Variants in APBB2 observed in about 807,000 individuals in gnomAD.
APBB2 encodes amyloid beta precursor protein binding family B member 2, also known as Fe65-like 1.
Under a neutral mutation model 82.5 loss-of-function variants are expected in APBB2, and 38 were observed. The ratio of observed to expected loss-of-function variants is 0.46; its 90% CI spans 0.36 to 0.60. The LOEUF is 0.60. APBB2 is among the 20% of genes least tolerant of loss of function. The pLI is 0.00. For synonymous variants in APBB2, 341 were observed against 368.2 expected, an observed-to-expected ratio of 0.93 and a Z score of 0.85; for missense variants, 772 against 972.3, an observed-to-expected ratio of 0.79 and a Z score of 2.74.
In APBB2 at chr4:41,039,383, T is replaced by G. The variant is rs183238012; in HGVS notation, c.-50-6079A>C. 1.4e-3 allele frequency among the ~76,000 whole-genome samples: 207 copies of G among 152,288 alleles called. 5 individuals carry two copies. In the East Asian group the frequency reaches 0.036, roughly 26 times the overall value. On this transcript the variant is annotated intron_variant, in intron 4 of 17. Transcript: ENST00000508593. ...CCAGAGTTATCTCTTCCTTTTAACT[T>G]ATTTGACACTTAAATCCTGTATGAT...
At chr4:41,147,032 T>C (rs1220756699) in intron 1 of APBB2, among the ~76,000 whole-genome samples, 1 of 152,080 alleles carries the variant, frequency 6.6e-6, no homozygotes, top group Non-Finnish European at 1.5e-5. Flanking sequence ...CCGTGACGGA[T>C]CCTGAAGGCA....
rs968836882 is a variant in APBB2, at chr4:41,102,170, C to G, written c.-260-1420G>C. ...ACGTAATTCTAAGAAGCGTGATACA[C>G]TCATTTACAAGCCACAGGAGACTGC... On this transcript the variant is annotated intron_variant, in intron 2 of 17. Coordinates refer to ENST00000508593, the MANE Select transcript of APBB2 (RefSeq NM_004307.2). Among the ~76,000 whole-genome samples the G allele has an allele frequency of 1.8e-4, 27 of 152,100 alleles. 1 individual carries two copies. Among genetic ancestry groups the G allele is most frequent in the African/African-American group, 6.0e-4 (25 of 41,420 alleles).
intron 1 of APBB2, among the ~76,000 whole-genome samples, chr4:41,191,099 A>C (rs928138036): frequency 3.3e-5 from 5 of 152,196 alleles, no homozygotes; most frequent in Non-Finnish European, 5.9e-5. Flanking sequence ...CATCTCAATG[A>C]CAGCAGCCTT....
Position 40,811,280 on chromosome 4 carries a change from T to C in APBB2, c.*4812A>G, listed in dbSNP as rs1744345606. On this transcript the variant is annotated 3_prime_UTR_variant, in exon 18 of 18. Transcript: ENST00000508593. ...GGAAAAGAATTTTGGATAAAAGCAA[T>C]ATGAGGCCGGACGTGGTGGCTCACA... 1 of 152,174 alleles carries C rather than the reference T, an allele frequency of 6.6e-6. No homozygotes were observed. Among genetic ancestry groups the C allele is most frequent in the South Asian group, 2.1e-4 (1 of 4,830 alleles). The allele number at this position is 152,174 out of a possible 1,614,324, so 9.4% of individuals were successfully genotyped here. A position where few individuals can be genotyped will look rare whatever the true frequency, so the allele number is the denominator to read the frequency against.
In APBB2 at chr4:40,908,061, T is replaced by G. The variant is rs1020972708; in HGVS notation, c.1255-14650A>C. ...GTATGGTGTGGGTGTGTGTGGTGTG[T>G]GTGTGGCATATGTGTGTGTGTATGT... is the stretch of plus-strand genomic sequence containing the variant. On this transcript the variant is annotated intron_variant, in intron 10 of 17. Transcript: ENST00000508593. Among the ~76,000 whole-genome samples the G allele has an allele frequency of 2.0e-5, 3 of 151,572 alleles. No homozygotes were observed. In the East Asian group the frequency reaches 5.8e-4, roughly 29 times the overall value.
At chr4:41,185,864 T>C (rs1772753098) in intron 1 of APBB2, among the ~76,000 whole-genome samples, 1 of 152,168 alleles carries the variant, frequency 6.6e-6, no homozygotes, top group Non-Finnish European at 1.5e-5. Flanking sequence ...TAGAATCACT[T>C]TCATTTCTTT....
chr4:41,206,537 T>G (rs1164468825), intron 1 of APBB2, among the ~76,000 whole-genome samples: 1 of 152,216 alleles, frequency 6.6e-6, no homozygotes, highest in Non-Finnish European at 1.5e-5. Flanking sequence ...TACACAGACC[T>G]TGGTTCTTGG....
chr4:40,978,093 C>T (rs966143370), intron 6 of APBB2, among the ~76,000 whole-genome samples: 1 of 152,184 alleles, frequency 6.6e-6, no homozygotes, highest in Non-Finnish European at 1.5e-5. Flanking sequence ...TAGCCTATGC[C>T]TGGATTGTTT....
At chr4:40,852,504 G>T (rs1759801528) in intron 12 of APBB2, among the ~76,000 whole-genome samples, 1 of 152,086 alleles carries the variant, frequency 6.6e-6, no homozygotes, top group South Asian at 2.1e-4. Context: ...ATGCTCAAAG[G>T]TCTCATAACC....
chr4:41,165,416 G>A (rs1001048861), intron 1 of APBB2, among the ~76,000 whole-genome samples: 31 of 152,144 alleles, frequency 2.0e-4, no homozygotes, highest in Admixed American at 1.5e-3. Flanking sequence ...GGGCCACCAT[G>A]AGTACTACAT....
At position 40,930,893 on chromosome 4, in the gene APBB2, G is replaced by A. The variant is rs546827367; in HGVS notation, c.1254+3563C>T. Among the ~76,000 whole-genome samples, 34 of 152,062 alleles carry A rather than the reference G, an allele frequency of 2.2e-4. No homozygotes were observed. The East Asian group carries it at 6.0e-3, about 27-fold the overall frequency. ...CTCCTGAGTACCTGGGACTACAGGC[G>A]CCCACCACCATGCCCAGCTAATTTT... On this transcript the variant is annotated intron_variant, in intron 10 of 17. Coordinates refer to ENST00000508593, the MANE Select transcript of APBB2 (RefSeq NM_004307.2).
intron 14 of APBB2, 44 bp downstream of exon 14, chr4:40,827,088 G>A: frequency 1.9e-6 from 3 of 1,552,028 alleles, no homozygotes; most frequent in Non-Finnish European, 2.7e-6. Flanking sequence ...CCTGGACCAG[G>A]AGGGACAGGG....
chr4:41,016,634 A>C (rs1327571552), intron 5 of APBB2, among the ~76,000 whole-genome samples: 4 of 152,058 alleles, frequency 2.6e-5, no homozygotes, highest in Admixed American at 6.5e-5. Context: ...CTGGGCAACA[A>C]GAGCAAAACT....
At chr4:41,008,103 A>G (rs550039130) in intron 6 of APBB2, among the ~76,000 whole-genome samples, 2 of 152,366 alleles carry the variant, frequency 1.3e-5, no homozygotes, top group East Asian at 3.9e-4. Context: ...TCAAGATACT[A>G]CTATATGCCT....
At chr4:41,079,118 T>C (rs1018603649) in intron 3 of APBB2, among the ~76,000 whole-genome samples, 1 of 152,202 alleles carries the variant, frequency 6.6e-6, no homozygotes, top group African/African-American at 2.4e-5. Flanking sequence ...CCTGAAGAGA[T>C]GGTCAGCACG....
chr4:40,949,953 G>A (rs1045832815), intron 6 of APBB2, among the ~76,000 whole-genome samples: 2 of 152,130 alleles, frequency 1.3e-5, no homozygotes, highest in Non-Finnish European at 2.9e-5. Flanking sequence ...CCTCTTAGGG[G>A]GTGAGATTCG....
rs535819369 is a variant in APBB2, at chr4:41,208,978, C to T, written c.-417+5427G>A. 5.9e-5 allele frequency among the ~76,000 whole-genome samples: 9 copies of T among 152,222 alleles called. No individual in the cohort carries two copies. The South Asian group carries it at 1.5e-3, about 25-fold the overall frequency. On this transcript the variant is annotated intron_variant, in intron 1 of 17. Coordinates refer to ENST00000508593, the MANE Select transcript of APBB2 (RefSeq NM_004307.2). ...TAAATTATATAGAAAGGGAATATCT[C>T]CTGTAACTCTACACACAAAGAGCTC...
chr4:41,067,309 T>C (rs1732247023), intron 3 of APBB2, among the ~76,000 whole-genome samples: 2 of 151,754 alleles, frequency 1.3e-5, no homozygotes, highest in South Asian at 4.2e-4. Flanking sequence ...CTCAGGAGGC[T>C]GAGGCAGGAA....
chr4:41,210,212 C>G (rs191097887), intron 1 of APBB2, among the ~76,000 whole-genome samples: 1 of 152,176 alleles, frequency 6.6e-6, no homozygotes, highest in East Asian at 1.9e-4. Flanking sequence ...GCTGGGGACC[C>G]CTGCTCTTAA....
Sources: gnomAD v4.1 joint callset for allele counts (sites outside exome capture counted in the v4.1 genomes callset) on GRCh38, gnomAD v4.1.1 for gene constraint, MANE v1.5 for transcripts, NCBI Gene and HGNC (gene_info 2026-07-23, HGNC 2026-07-21) for gene names.